The following MBD5 variants were observed in gnomAD, a reference collection of about 807,000 sequenced individuals.
MBD5 encodes the protein methyl-CpG-binding domain protein 5.
MBD5 carries 13 observed loss-of-function variants against 117.3 expected under a neutral mutation model. The ratio of observed to expected loss-of-function variants is 0.11; its 90% CI spans 0.07 to 0.18. The LOEUF is 0.18. Among genes scored for constraint, MBD5 ranks in the 10% least tolerant of loss-of-function variants. The pLI is 1.00. For synonymous variants in MBD5, 727 were observed against 766.4 expected, an observed-to-expected ratio of 0.95 and a Z score of 0.85; for missense variants, 1,879 against 2,093.8, an observed-to-expected ratio of 0.90 and a Z score of 2.00.
At chr2:148,446,151 T>C (rs1706506198) in intron 4 of MBD5, among the ~76,000 whole-genome samples, 1 of 151,464 alleles carries the variant, frequency 6.6e-6, no homozygotes, top group African/African-American at 2.4e-5. Flanking sequence ...ATCCCATTTG[T>C]CTATTTTGGC....
chr2:148,153,706 A>G (rs1372214305), intron 1 of MBD5, among the ~76,000 whole-genome samples: 1 of 145,148 alleles, frequency 6.9e-6, no homozygotes, highest in African/African-American at 2.6e-5. Flanking sequence ...TCCATCACTG[A>G]TACCCTTTCT....
intron 4 of MBD5, among the ~76,000 whole-genome samples, chr2:148,371,211 C>T (rs1204481248): frequency 6.6e-6 from 1 of 152,094 alleles, no homozygotes; most frequent in Non-Finnish European, 1.5e-5. Context: ...TGTTAATACT[C>T]TTGCCCTTTT....
chr2:148,345,006 A>T (rs1360839848), intron 4 of MBD5, among the ~76,000 whole-genome samples: 1 of 151,850 alleles, frequency 6.6e-6, no homozygotes, highest in Non-Finnish European at 1.5e-5. Context: ...TTAGAGATAT[A>T]TGTCCTAGTG....
chr2:148,329,936 A>G (rs1319288139), intron 3 of MBD5, among the ~76,000 whole-genome samples: 2 of 151,852 alleles, frequency 1.3e-5, no homozygotes, highest in East Asian at 3.9e-4. Flanking sequence ...AGTTTACCAA[A>G]TATTTTTATA....
chr2:148,446,240 T>G (rs1010790985), intron 4 of MBD5, among the ~76,000 whole-genome samples: 1 of 152,104 alleles, frequency 6.6e-6, no homozygotes, highest in East Asian at 1.9e-4. Context: ...TGCCTAGGTT[T>G]TCTTCTAGGG....
intron 2 of MBD5, among the ~76,000 whole-genome samples, chr2:148,204,754 C>A (rs1054350370): frequency 2.0e-5 from 3 of 152,070 alleles, no homozygotes; most frequent in Non-Finnish European, 4.4e-5. Context: ...CAGTTTTGAA[C>A]TCAACAAATA....
chr2:148,279,818 G>T (rs1405237116), intron 3 of MBD5, among the ~76,000 whole-genome samples: 1 of 151,928 alleles, frequency 6.6e-6, no homozygotes, highest in African/African-American at 2.4e-5. Context: ...TGTTGGACAG[G>T]TGGAGTGCAG....
chr2:148,136,140 C>G (rs902495255), intron 1 of MBD5, among the ~76,000 whole-genome samples: 5 of 152,112 alleles, frequency 3.3e-5, no homozygotes, highest in African/African-American at 1.2e-4. Context: ...CTCAGGTGAC[C>G]ACATTTCCAA....
At chr2:148,333,050 T>C (rs1214973470) in intron 3 of MBD5, among the ~76,000 whole-genome samples, 1 of 152,166 alleles carries the variant, frequency 6.6e-6, no homozygotes, top group Non-Finnish European at 1.5e-5. Flanking sequence ...TCAGCAGTAC[T>C]TTCTTGTTCC....
intron 3 of MBD5, among the ~76,000 whole-genome samples, chr2:148,261,218 A>G (rs1186914241): frequency 2.0e-5 from 3 of 152,182 alleles, no homozygotes; most frequent in Non-Finnish European, 4.4e-5. Flanking sequence ...TTAGCCTCTA[A>G]CAAGAGAATC....
chr2:148,369,100 A>G lies in MBD5; in HGVS notation c.-557+26764A>G, dbSNP rs1703783529. 1.3e-5 allele frequency among the ~76,000 whole-genome samples: 2 copies of G among 152,148 alleles called. 1 individual carries two copies. The highest frequency in any genetic ancestry group is 4.1e-4 in the South Asian group (2 of 4,832). ...CGTGACCTCAATTGAATTATGAGGA[A>G]ACATCAGACAAATTCAACATGTGGT... is the stretch of plus-strand genomic sequence containing the variant. On this transcript the variant is annotated intron_variant, in intron 4 of 13. Transcript: ENST00000642680.
intron 8 of MBD5, among the ~76,000 whole-genome samples, chr2:148,473,898 T>G (rs556508680): frequency 6.6e-6 from 1 of 152,314 alleles, no homozygotes; most frequent in South Asian, 2.1e-4. Context: ...CACTGGCTTT[T>G]TCAATATCAA....
At chr2:148,064,180 C>T (rs963611090) in intron 1 of MBD5, among the ~76,000 whole-genome samples, 3 of 137,862 alleles carry the variant, frequency 2.2e-5, no homozygotes, top group African/African-American at 8.4e-5. Flanking sequence ...GGCTGGAGTG[C>T]AGTGGCGCGA....
Position 148,502,516 on chromosome 2 carries a change from A to G in MBD5, c.5036+7A>G. 6.2e-7 allele frequency: 1 copy of G among 1,613,474 alleles called. No homozygotes were observed. Among genetic ancestry groups the G allele is most frequent in the Middle Eastern group, 1.7e-4 (1 of 6,058 alleles). The stretch of plus-strand genomic sequence containing the variant: ...TCCGGAAAAGGAACAGAAAGTAAGC[A>G]CTTTTCCAAAATTTTACTTTGTTTT... On this transcript the variant is annotated splice_region_variant and intron_variant, in intron 12 of 13. Coordinates refer to ENST00000642680, the MANE Select transcript of MBD5 (RefSeq NM_001378120.1).
rs1433603187 is a variant in MBD5 at position 148,294,256 on chromosome 2, G to C, written c.-679-47958G>C. 2.3e-5 allele frequency among the ~76,000 whole-genome samples: 3 copies of C among 132,750 alleles called. No homozygotes were observed. In the Admixed American group the frequency reaches 2.4e-4, roughly 11 times the overall value. 87.1% of individuals were successfully genotyped at this position (132,750 alleles called of 152,430 possible). A position where few individuals can be genotyped will look rare whatever the true frequency, so the allele number is the denominator to read the frequency against. On this transcript the variant is annotated intron_variant, in intron 3 of 13. Coordinates refer to ENST00000642680, the MANE Select transcript of MBD5 (RefSeq NM_001378120.1). ...TTTTTTTTTTTTGAGACAGAGTCTT[G>C]CTCTGTCATTCAGGCTGGAGTGCAG...
chr2:148,251,626 A>G (rs80052557), intron 3 of MBD5, among the ~76,000 whole-genome samples: 19,134 of 152,244 alleles, frequency 0.13, 1,457 homozygotes, highest in Non-Finnish European at 0.18. Context: ...CCTCTTGGTC[A>G]TAATTCTTGA....
At chr2:148,194,924 G>T (rs1698935973) in intron 2 of MBD5, among the ~76,000 whole-genome samples, 1 of 152,062 alleles carries the variant, frequency 6.6e-6, no homozygotes, top group Non-Finnish European at 1.5e-5. Flanking sequence ...TCATCAGACT[G>T]ATAAAAACCC....
chr2:148,325,586 T>G (rs150510936), intron 3 of MBD5, among the ~76,000 whole-genome samples: 41,621 of 152,046 alleles, frequency 0.27, 5,923 homozygotes, highest in African/African-American at 0.31. Context: ...GTCGAGGAAT[T>G]TATCCATTTC....
intron 3 of MBD5, among the ~76,000 whole-genome samples, chr2:148,335,737 T>A (rs920192211): frequency 4.6e-5 from 7 of 151,554 alleles, no homozygotes; most frequent in East Asian, 1.9e-4. Context: ...ATAATAATAA[T>A]AAAATAATAA....
Sources: gnomAD v4.1 joint callset for allele counts (sites outside exome capture counted in the v4.1 genomes callset) on GRCh38, gnomAD v4.1.1 for gene constraint, MANE v1.5 for transcripts, NCBI Gene and HGNC (gene_info 2026-07-23, HGNC 2026-07-21) for gene names.